The following DAB1 variants were observed in gnomAD, a reference collection of about 807,000 sequenced individuals.
DAB1 encodes DAB adaptor protein 1.
A neutral mutation model predicts 64.6 loss-of-function variants in DAB1; 15 were observed. That is an observed-to-expected ratio of 0.23 (90% CI 0.16 to 0.36). The LOEUF is 0.36. Among genes scored for constraint, DAB1 ranks in the 10% least tolerant of loss-of-function variants. The pLI is 1.00. For missense variants in DAB1, 596 were observed against 706.7 expected (o/e 0.84, Z 1.78); for synonymous variants, 235 against 251.9 (o/e 0.93, Z 0.64).
At chr1:57,692,044 G>A (rs1255098662) in intron 6 of DAB1, among the ~76,000 whole-genome samples, 1 of 151,992 alleles carries the variant, frequency 6.6e-6, no homozygotes, top group East Asian at 1.9e-4. Flanking sequence ...TCTGGGCTGA[G>A]CCAAGGGTTG....
chr1:58,347,164 A>G (rs1036426767), intron 3 of DAB1, among the ~76,000 whole-genome samples: 1 of 152,138 alleles, frequency 6.6e-6, no homozygotes, highest in African/African-American at 2.4e-5. Flanking sequence ...CTGGAGTGCA[A>G]TGACACAATC....
chr1:57,525,761 T>C (rs183004789), intron 7 of DAB1, among the ~76,000 whole-genome samples: 4 of 152,034 alleles, frequency 2.6e-5, no homozygotes, highest in Non-Finnish European at 4.4e-5. Context: ...AACATAAAAA[T>C]ATACACCAGA....
intron 2 of DAB1, among the ~76,000 whole-genome samples, chr1:57,280,577 C>A (rs1043480614): frequency 3.3e-5 from 5 of 152,188 alleles, no homozygotes; most frequent in African/African-American, 1.2e-4. Flanking sequence ...TTCTTCCAAA[C>A]ATAAAAATTC....
At chr1:58,009,773 AT>A (rs1646640973) in intron 5 of DAB1, among the ~76,000 whole-genome samples, 2 of 152,194 alleles carry the variant, frequency 1.3e-5, no homozygotes, top group South Asian at 4.1e-4. Flanking sequence ...GAATTAAACT[AT>A]CTTTCCTTAT....
chr1:57,559,036 A>G (rs765549653), intron 7 of DAB1, among the ~76,000 whole-genome samples: 14 of 152,194 alleles, frequency 9.2e-5, no homozygotes, highest in Non-Finnish European at 1.0e-4. Context: ...TTTAAATACA[A>G]TAGGAATAAT....
intron 1 of DAB1, among the ~76,000 whole-genome samples, chr1:57,875,452 C>G (rs1212906296): frequency 6.6e-6 from 1 of 152,180 alleles, no homozygotes; most frequent in East Asian, 1.9e-4. Flanking sequence ...ATTCTTTCAA[C>G]AAGAACTAAA....
At chr1:57,426,202 T>C (rs1685279597), upstream of DAB1, among the ~76,000 whole-genome samples, 1 of 152,214 alleles carries the variant, frequency 6.6e-6, no homozygotes, top group Non-Finnish European at 1.5e-5. Flanking sequence ...CGGCTTTCTA[T>C]TGACATTATG....
chr1:58,013,788 C>A (rs1024643683), intron 5 of DAB1, among the ~76,000 whole-genome samples: 1 of 152,262 alleles, frequency 6.6e-6, no homozygotes, highest in South Asian at 2.1e-4. Flanking sequence ...TCTGTGATGT[C>A]AGTAGCTTGA....
chr1:58,354,873 CAT>C (rs1189071887), intron 3 of DAB1, among the ~76,000 whole-genome samples: 2 of 152,168 alleles, frequency 1.3e-5, no homozygotes, highest in Admixed American at 6.6e-5. Flanking sequence ...GGCTCATAAA[CAT>C]GTGTAACTTG....
chr1:58,482,233 T>C (rs1205225556), intron 3 of DAB1, among the ~76,000 whole-genome samples: 1 of 152,102 alleles, frequency 6.6e-6, no homozygotes, highest in Admixed American at 6.6e-5. Flanking sequence ...TCTCATCCTG[T>C]AAGGTGGAAA....
At chr1:57,655,973 T>C (rs919995904) in intron 6 of DAB1, among the ~76,000 whole-genome samples, 4 of 152,182 alleles carry the variant, frequency 2.6e-5, no homozygotes, top group Admixed American at 2.0e-4. Context: ...TAAATTCATA[T>C]ACTGAAATTG....
intron 7 of DAB1, 164 bp downstream of exon 7, chr1:57,070,859 T>C (rs1334957079): frequency 1.5e-6 from 1 of 678,656 alleles, no homozygotes; most frequent in East Asian, 2.6e-5. Flanking sequence ...TTAGTTTTTA[T>C]GGAAATTTGC....
intron 7 of DAB1, among the ~76,000 whole-genome samples, chr1:57,563,192 G>C (rs905765947): frequency 6.6e-6 from 1 of 152,156 alleles, no homozygotes; most frequent in East Asian, 1.9e-4. Context: ...TCAATACCAG[G>C]TACAACCACA....
chr1:57,308,609 A>G (rs1674398062), intron 1 of DAB1, among the ~76,000 whole-genome samples: 1 of 152,220 alleles, frequency 6.6e-6, no homozygotes, highest in Non-Finnish European at 1.5e-5. Context: ...TTCATCTTCT[A>G]ACTTTTATCC....
chr1:57,935,600 A>T (rs568609625), intron 5 of DAB1, among the ~76,000 whole-genome samples: 6 of 152,330 alleles, frequency 3.9e-5, no homozygotes, highest in Admixed American at 6.5e-5. Flanking sequence ...ATTTACAATG[A>T]TTCTGGGAGA....
chr1:57,448,875 A>T (rs1217626947), intron 7 of DAB1, among the ~76,000 whole-genome samples: 1 of 152,102 alleles, frequency 6.6e-6, no homozygotes, highest in East Asian at 1.9e-4. Context: ...GTCCTAAATT[A>T]CTTAACTTCA....
intron 2 of DAB1, among the ~76,000 whole-genome samples, chr1:57,160,911 C>CA (rs1249115297): frequency 2.0e-5 from 3 of 152,108 alleles, no homozygotes; most frequent in Admixed American, 6.5e-5. Flanking sequence ...CCCCATGTCT[C>CA]AGTTTGAGAC....
At chr1:57,006,408 T>A (rs1235647437) in intron 14 of DAB1, among the ~76,000 whole-genome samples, 1 of 152,216 alleles carries the variant, frequency 6.6e-6, no homozygotes, top group African/African-American at 2.4e-5. Context: ...TAGATCCCCA[T>A]GCCAGGAACC....
chr1:58,470,141 T>G (rs941185190), intron 3 of DAB1, among the ~76,000 whole-genome samples: 4 of 149,406 alleles, frequency 2.7e-5, no homozygotes, highest in Non-Finnish European at 5.9e-5. Context: ...TATTTATTTA[T>G]TTATTTATTT....
Sources: gnomAD v4.1 joint callset for allele counts (sites outside exome capture counted in the v4.1 genomes callset) on GRCh38, gnomAD v4.1.1 for gene constraint, MANE v1.5 for transcripts, NCBI Gene and HGNC (gene_info 2026-07-23, HGNC 2026-07-21) for gene names.